CNTN3: variants seen among roughly 807,000 people sequenced by gnomAD.
CNTN3 encodes contactin 3.
Under a neutral mutation model 119.1 loss-of-function variants are expected in CNTN3, and 60 were observed. The observed-to-expected ratio is 0.50, with a 90% CI of 0.41 to 0.62. The LOEUF is 0.62. Ranked by LOEUF, CNTN3 falls within the 20% of genes least tolerant of loss-of-function variation. The pLI, the probability that CNTN3 is intolerant of heterozygous loss-of-function variation, is 0.00. For missense variants in CNTN3, 1,101 were observed against 1,242.4 expected (o/e 0.89, Z 1.71); for synonymous variants, 450 against 438.7 (o/e 1.03, Z -0.32).
intron 5 of CNTN3, among the ~76,000 whole-genome samples, chr3:74,372,842 C>T (rs559766259): frequency 2.0e-5 from 3 of 152,012 alleles, no homozygotes; most frequent in African/African-American, 7.2e-5. Context: ...AACACCCCAA[C>T]AAGCAGGGAT....
intron 20 of CNTN3, among the ~76,000 whole-genome samples, chr3:74,278,428 G>A (rs1420292484): frequency 1.3e-5 from 2 of 152,100 alleles, no homozygotes; most frequent in Admixed American, 1.3e-4. Context: ...CAATGGAGCA[G>A]AATAGACAAC....
intron 11 of CNTN3, among the ~76,000 whole-genome samples, chr3:74,343,782 G>A (rs1391120538): frequency 6.6e-6 from 1 of 152,160 alleles, no homozygotes; most frequent in Non-Finnish European, 1.5e-5. Flanking sequence ...GCCCACTGCC[G>A]GGCCCACCAT....
Position 74,319,554 on chromosome 3 carries a change from A to G in CNTN3, c.1668+15181T>C, listed in dbSNP as rs1256656305. On this transcript the variant is annotated intron_variant, in intron 13 of 22. Transcript: ENST00000263665. ...AGACTTACATGTTAGACCTAAAACC[A>G]TAAAAACCCTAGAAGAGAACCTAGG... Among the ~76,000 whole-genome samples the G allele has an allele frequency of 9.9e-5, 15 of 152,280 alleles. No individual in the cohort carries two copies. The East Asian group carries it at 2.9e-3, about 29-fold the overall frequency.
rs535850869 is a variant in CNTN3 at position 74,614,374 on chromosome 3, G to C, written c.-81+17C>G. On this transcript the variant is annotated intron_variant, in intron 1 of 22. Transcript: ENST00000263665. ...TGTGGCCCGGCCGGCGCCAGGAGTC[G>C]GGCATCCCGGACTTACCTGGTCTCT... 4.6e-4 allele frequency among the ~76,000 whole-genome samples: 70 copies of C among 151,786 alleles called. No homozygotes were observed. In the East Asian group the frequency reaches 0.013, roughly 28 times the overall value.
At position 74,370,206 on chromosome 3, in the gene CNTN3, C is replaced by T. The variant is rs375968444; in HGVS notation, c.659-215G>A. Reference sequence around the variant, plus strand: ...TTCTTTAATAATTTTTTTAGTGGTGCTTTTTAGCCTCTAACAAAACATCCA... The same window carrying T: ...TTCTTTAATAATTTTTTTAGTGGTGTTTTTTAGCCTCTAACAAAACATCCA... On this transcript the variant is annotated intron_variant, in intron 6 of 22. Coordinates refer to ENST00000263665, the MANE Select transcript of CNTN3 (RefSeq NM_020872.3). Among the ~76,000 whole-genome samples, 826 of 151,930 alleles carry T rather than the reference C, an allele frequency of 5.4e-3. 3 individuals are homozygous for T. The highest frequency in any genetic ancestry group is 9.6e-3 in the Non-Finnish European group (653 of 67,900).
chr3:74,567,732 A>G (rs1400423061), intron 1 of CNTN3, among the ~76,000 whole-genome samples: 2 of 152,168 alleles, frequency 1.3e-5, no homozygotes, highest in Non-Finnish European at 2.9e-5. Flanking sequence ...CAAGATGCTC[A>G]GAATAGCATG....
intron 1 of CNTN3, among the ~76,000 whole-genome samples, chr3:74,575,516 C>T (rs1002453091): frequency 5.3e-5 from 8 of 151,554 alleles, no homozygotes; most frequent in African/African-American, 1.9e-4. Flanking sequence ...TCCCAAAGTG[C>T]TGGGATTACA....
chr3:74,509,513 G>A lies in CNTN3; in HGVS notation c.56-9728C>T, dbSNP rs555326182. ...GGGTTTCGCCATGTTGGCCAGGCTG[G>A]TCTCAAACTCCTGACCTCGTGATCC... is the stretch of plus-strand genomic sequence containing the variant. On this transcript the variant is annotated intron_variant, in intron 2 of 22. Transcript: ENST00000263665. 5.3e-5 allele frequency among the ~76,000 whole-genome samples: 8 copies of A among 152,188 alleles called. No homozygotes were observed. In the South Asian group the frequency reaches 1.7e-3, roughly 32 times the overall value.
intron 1 of CNTN3, among the ~76,000 whole-genome samples, chr3:74,522,557 T>C (rs1229724275): frequency 6.6e-6 from 1 of 151,792 alleles, no homozygotes; most frequent in Non-Finnish European, 1.5e-5. Flanking sequence ...AGAAGTAAGA[T>C]AGGAAAAGGA....
At chr3:74,519,177 C>G (rs11710153) in intron 2 of CNTN3, among the ~76,000 whole-genome samples, 85,958 of 151,336 alleles carry the variant, frequency 0.57, 24,752 homozygotes, top group South Asian at 0.61. Context: ...TAATTACACA[C>G]ACATGGAAAC....
chr3:74,402,227 C>G (rs904813839), intron 5 of CNTN3, among the ~76,000 whole-genome samples: 1 of 152,178 alleles, frequency 6.6e-6, no homozygotes, highest in Admixed American at 6.6e-5. Flanking sequence ...GTGTTTTTCT[C>G]TCCTCTTTCC....
At chr3:74,495,453 T>C (rs998546709) in intron 3 of CNTN3, among the ~76,000 whole-genome samples, 3 of 151,974 alleles carry the variant, frequency 2.0e-5, no homozygotes, top group Non-Finnish European at 2.9e-5. Flanking sequence ...ACTATATGTA[T>C]ATAGAATTGA....
chr3:74,307,530 C>A (rs2197742), intron 13 of CNTN3, among the ~76,000 whole-genome samples: 24,196 of 152,020 alleles, frequency 0.16, 2,785 homozygotes, highest in East Asian at 0.49. Context: ...ATATGATTAA[C>A]TTTTCCCCTG....
chr3:74,589,957 T>TGGGGTGGG (rs1394720542), intron 1 of CNTN3, among the ~76,000 whole-genome samples: 1 of 19,556 alleles, frequency 5.1e-5, no homozygotes, highest in Non-Finnish European at 9.2e-5. Context: ...GGGAGTGTTG[T>TGGGGTGGG]GGGGTGGGGG....
At chr3:74,436,041 T>C (rs114781797) in intron 4 of CNTN3, among the ~76,000 whole-genome samples, 300 of 152,328 alleles carry the variant, frequency 2.0e-3, no homozygotes, top group African/African-American at 6.8e-3. Flanking sequence ...TTCTCTGTCC[T>C]AACATTCATT....
chr3:74,351,453 G>C (rs1385568484), intron 11 of CNTN3, among the ~76,000 whole-genome samples: 4 of 152,158 alleles, frequency 2.6e-5, no homozygotes, highest in Non-Finnish European at 5.9e-5. Context: ...CAAGGCTCAG[G>C]AATTATGTAA....
At chr3:74,463,894 G>GCTACA (rs1422968100) in intron 4 of CNTN3, among the ~76,000 whole-genome samples, 1 of 152,112 alleles carries the variant, frequency 6.6e-6, no homozygotes, top group Non-Finnish European at 1.5e-5. Flanking sequence ...GAAAATAAAT[G>GCTACA]GTGGTTAGTA....
chr3:74,327,105 CCTTTTT>C (rs1191866796), intron 13 of CNTN3, among the ~76,000 whole-genome samples: 9 of 90,694 alleles, frequency 9.9e-5, no homozygotes, highest in African/African-American at 1.2e-4. Context: ...AAGGGTTAAT[CCTTTTT>C]TTTTTTTTTT....
chr3:74,449,612 G>C (rs1372663768), intron 4 of CNTN3, among the ~76,000 whole-genome samples: 2 of 152,008 alleles, frequency 1.3e-5, no homozygotes, highest in Non-Finnish European at 2.9e-5. Context: ...GTGATCTGAG[G>C]ACCACACCTT....
Sources: gnomAD v4.1 joint callset for allele counts (sites outside exome capture counted in the v4.1 genomes callset) on GRCh38, gnomAD v4.1.1 for gene constraint, MANE v1.5 for transcripts, NCBI Gene and HGNC (gene_info 2026-07-23, HGNC 2026-07-21) for gene names.